TGFA: variants seen among roughly 807,000 people sequenced by gnomAD.
TGFA encodes the protein protransforming growth factor alpha.
TGFA carries 12 observed loss-of-function variants against 21.7 expected under a neutral mutation model. That is an observed-to-expected ratio of 0.55 (90% CI 0.35 to 0.90). TGFA has a LOEUF of 0.90. Among genes scored for constraint, TGFA ranks in the 40% least tolerant of loss-of-function variants. The pLI is 0.01. For missense variants in TGFA, 178 were observed against 210.8 expected (o/e 0.84, Z 0.96); for synonymous variants, 79 against 88.1 (o/e 0.90, Z 0.58).
rs1340843364 is a variant in TGFA at position 70,448,736 on chromosome 2, G to A, written c.*2123C>T. ...AGGACTGACTTGGAAGGCACTTCTA[G>A]GGAGGCGTATATGTGAGGCCTCTCA... is the stretch of plus-strand genomic sequence containing the variant. On this transcript the variant is annotated 3_prime_UTR_variant, in exon 6 of 6. Coordinates refer to ENST00000295400, the MANE Select transcript of TGFA (RefSeq NM_003236.4). 2.0e-5 allele frequency: 3 copies of A among 152,204 alleles called. No individual in the cohort carries two copies. Among genetic ancestry groups the A allele is most frequent in the Non-Finnish European group, 4.4e-5 (3 of 68,046 alleles). 9.4% of individuals were successfully genotyped at this position (152,204 alleles called of 1,614,324 possible). A position where few individuals can be genotyped will look rare whatever the true frequency, so the allele number is the denominator to read the frequency against.
chr2:70,502,847 T>G (rs1553499401), intron 2 of TGFA, among the ~76,000 whole-genome samples: 1 of 152,244 alleles, frequency 6.6e-6, no homozygotes, highest in Non-Finnish European at 1.5e-5. Context: ...ACCTGTGTCC[T>G]ATGTAAGCCT....
At chr2:70,476,080 CAAAAAAAAAAAAAA>C (rs1175233983) in intron 2 of TGFA, among the ~76,000 whole-genome samples, 1 of 55,632 alleles carries the variant, frequency 1.8e-5, no homozygotes, top group Non-Finnish European at 3.1e-5. Context: ...TAATTTTAAG[CAAAAAAAAAAAAAA>C]AAAAAAAAAA....
chr2:70,502,183 T>TAA (rs1671757582), intron 2 of TGFA, among the ~76,000 whole-genome samples: 2 of 152,198 alleles, frequency 1.3e-5, no homozygotes, highest in African/African-American at 4.8e-5. Context: ...CTCCCATAAG[T>TAA]AAAGGAAAGC....
intron 2 of TGFA, among the ~76,000 whole-genome samples, chr2:70,497,576 C>CT (rs1361388362): frequency 6.6e-6 from 1 of 152,216 alleles, no homozygotes; most frequent in Non-Finnish European, 1.5e-5. Flanking sequence ...GCATCTTCTC[C>CT]TTTGGGCACA....
At chr2:70,489,308 A>G (rs1197602880) in intron 2 of TGFA, among the ~76,000 whole-genome samples, 2 of 152,180 alleles carry the variant, frequency 1.3e-5, no homozygotes, top group African/African-American at 2.4e-5. Context: ...AGTTTCACAC[A>G]CCCATTCCTT....
At chr2:70,493,993 G>A (rs544863631) in intron 2 of TGFA, among the ~76,000 whole-genome samples, 6 of 152,306 alleles carry the variant, frequency 3.9e-5, no homozygotes, top group Admixed American at 1.3e-4. Flanking sequence ...ATTTCTGGAT[G>A]TCAGAAGTCT....
intron 1 of TGFA, among the ~76,000 whole-genome samples, chr2:70,520,514 C>CA (rs1193901310): frequency 8.2e-4 from 115 of 139,494 alleles, no homozygotes; most frequent in South Asian, 2.0e-3. Flanking sequence ...ACTCCCACTC[C>CA]AAAAAAAAAA....
At chr2:70,468,678 G>A (rs1228647712) in intron 2 of TGFA, among the ~76,000 whole-genome samples, 4 of 152,166 alleles carry the variant, frequency 2.6e-5, no homozygotes, top group Admixed American at 2.6e-4. Flanking sequence ...AACCTATTGT[G>A]AACTGTGCAT....
chr2:70,492,394 G>A (rs1553497807), intron 2 of TGFA, among the ~76,000 whole-genome samples: 1 of 152,226 alleles, frequency 6.6e-6, no homozygotes, highest in African/African-American at 2.4e-5. Flanking sequence ...CATCTTCTCA[G>A]CTGGACTGTG....
Position 70,449,527 on chromosome 2 carries a change from T to C in TGFA, c.*1332A>G, listed in dbSNP as rs1553489244. 4.9e-6 allele frequency: 1 copy of C among 202,492 alleles called. No homozygotes were observed. Among genetic ancestry groups the C allele is most frequent in the Non-Finnish European group, 1.1e-5 (1 of 94,608 alleles). 12.5% of individuals were successfully genotyped at this position (202,492 alleles called of 1,614,324 possible). ...GCCCCATGGGTCAGATGGACCCAGA[T>C]GCTCAGGGGAACAATTGCTCCTTCT... On this transcript the variant is annotated 3_prime_UTR_variant, in exon 6 of 6. Transcript: ENST00000295400.
intron 3 of TGFA, among the ~76,000 whole-genome samples, chr2:70,460,266 C>T (rs1670369735): frequency 6.6e-6 from 1 of 152,064 alleles, no homozygotes; most frequent in Admixed American, 6.5e-5. Context: ...AAGCTCCTAG[C>T]TGATTCCAGT....
At chr2:70,478,084 TCCCCAG>T (rs3060759) in intron 2 of TGFA, among the ~76,000 whole-genome samples, 40,173 of 151,740 alleles carry the variant, frequency 0.26, 6,159 homozygotes, top group East Asian at 0.39. Context: ...GAAACCCTGG[TCCCCAG>T]CTTAAGGTCT....
intron 2 of TGFA, among the ~76,000 whole-genome samples, chr2:70,476,898 C>G (rs958686): frequency 0.5 from 75,923 of 152,090 alleles, 19,203 homozygotes; most frequent in East Asian, 0.58. Context: ...GATGATTTTG[C>G]TTGTCCTTAG....
rs1187327733 is a variant in TGFA, at chr2:70,468,764, A to G, written c.95-3028T>C. ...CTGTCACTGTCTCCCATCACCCCCA[A>G]ATTGGACTGTCTAGTTGCAGAGAAA... is the stretch of plus-strand genomic sequence containing the variant. On this transcript the variant is annotated intron_variant, in intron 2 of 5. Coordinates refer to ENST00000295400, the MANE Select transcript of TGFA (RefSeq NM_003236.4). 2.0e-5 allele frequency among the ~76,000 whole-genome samples: 3 copies of G among 152,046 alleles called. No individual in the cohort carries two copies. In the East Asian group the frequency reaches 5.8e-4, roughly 29 times the overall value.
intron 1 of TGFA, among the ~76,000 whole-genome samples, chr2:70,538,926 T>C (rs1388598556): frequency 6.6e-6 from 1 of 152,192 alleles, no homozygotes; most frequent in African/African-American, 2.4e-5. Context: ...AAGAATCAAT[T>C]AGCATGGCAA....
intron 1 of TGFA, among the ~76,000 whole-genome samples, chr2:70,520,122 T>C (rs1672402347): frequency 6.6e-6 from 1 of 152,210 alleles, no homozygotes; most frequent in African/African-American, 2.4e-5. Flanking sequence ...TGGGGCTTCA[T>C]GTTGGTCCTG....
chr2:70,471,107 G>GC (rs1290386793), intron 2 of TGFA, among the ~76,000 whole-genome samples: 14 of 117,950 alleles, frequency 1.2e-4, no homozygotes, highest in African/African-American at 4.1e-4. Flanking sequence ...TCTCCTCCCC[G>GC]CACCCCCCCC....
intron 1 of TGFA, among the ~76,000 whole-genome samples, chr2:70,542,530 TAAAC>T (rs1673163626): frequency 2.6e-5 from 4 of 152,046 alleles, no homozygotes; most frequent in Admixed American, 2.6e-4. Context: ...CAGCAGAAAA[TAAAC>T]AAAATCAACC....
intron 2 of TGFA, among the ~76,000 whole-genome samples, chr2:70,505,391 G>A (rs1339252315): frequency 2.0e-5 from 3 of 152,194 alleles, no homozygotes; most frequent in Non-Finnish European, 4.4e-5. Flanking sequence ...GCCTGTCACT[G>A]TGCTGGGCTG....
Sources: gnomAD v4.1 joint callset for allele counts (sites outside exome capture counted in the v4.1 genomes callset) on GRCh38, gnomAD v4.1.1 for gene constraint, MANE v1.5 for transcripts, NCBI Gene and HGNC (gene_info 2026-07-23, HGNC 2026-07-21) for gene names.